The following CDK14 variants were observed in gnomAD, a reference collection of about 807,000 sequenced individuals.
CDK14 encodes the protein cyclin dependent kinase 14, also known as cyclin-dependent kinase 14.
A neutral mutation model predicts 60.7 loss-of-function variants in CDK14; 34 were observed. The ratio of observed to expected loss-of-function variants is 0.56; its 90% confidence interval spans 0.43 to 0.75. The LOEUF (loss-of-function observed/expected upper bound fraction) is 0.75. Among genes scored for constraint, CDK14 ranks in the 30% least tolerant of loss-of-function variants. The pLI is 0.00. For missense variants in CDK14, 482 were observed against 564.1 expected, an observed-to-expected ratio of 0.85 and a Z score of 1.47; for synonymous variants, 197 against 203.7, an observed-to-expected ratio of 0.97 and a Z score of 0.28.
At chr7:91,000,380 T>C (rs1795804232) in intron 10 of CDK14, among the ~76,000 whole-genome samples, 2 of 152,226 alleles carry the variant, frequency 1.3e-5, no homozygotes, top group African/African-American at 4.8e-5. Context: ...TATGGCTTAC[T>C]TTTTGCCAAA....
intron 2 of CDK14, among the ~76,000 whole-genome samples, chr7:90,687,453 G>A (rs752478061): frequency 7.2e-5 from 11 of 152,106 alleles, no homozygotes; most frequent in Non-Finnish European, 1.5e-4. Context: ...CGAAGGGTGA[G>A]TAGGGTTTTG....
At chr7:90,726,274 T>C in intron 2 of CDK14, 1 of 981,022 alleles carries the variant, frequency 1.0e-6, no homozygotes, top group Non-Finnish European at 1.2e-6. Context: ...TGGTAAAACG[T>C]GTGACAGAGT....
intron 12 of CDK14, among the ~76,000 whole-genome samples, chr7:91,106,549 T>G (rs1015535675): frequency 5.3e-5 from 8 of 152,152 alleles, no homozygotes; most frequent in African/African-American, 2.4e-5. Context: ...ATGTCTAATA[T>G]GTGTCCTTAA....
At chr7:90,999,209 A>G (rs181411027) in intron 10 of CDK14, among the ~76,000 whole-genome samples, 1 of 152,210 alleles carries the variant, frequency 6.6e-6, no homozygotes, top group African/African-American at 2.4e-5. Context: ...AAACTGTAGC[A>G]GGAGGTGGTG....
chr7:90,912,232 T>A (rs1456841901), intron 7 of CDK14, among the ~76,000 whole-genome samples: 1 of 152,128 alleles, frequency 6.6e-6, no homozygotes, highest in Non-Finnish European at 1.5e-5. Flanking sequence ...TATTAATTTA[T>A]CTAGTTCAGC....
intron 2 of CDK14, among the ~76,000 whole-genome samples, chr7:90,684,815 A>G (rs1180964183): frequency 6.6e-6 from 1 of 151,896 alleles, no homozygotes. Flanking sequence ...TTATCCATCT[A>G]CCCACCCATG....
At chr7:90,857,799 GGAAC>G (rs2117202368) in intron 5 of CDK14, among the ~76,000 whole-genome samples, 1 of 152,312 alleles carries the variant, frequency 6.6e-6, no homozygotes, top group Non-Finnish European at 1.5e-5. Flanking sequence ...GCTAACAGCA[GGAAC>G]TGTAGTATCT....
At chr7:90,622,514 T>C (rs966350623) in intron 2 of CDK14, among the ~76,000 whole-genome samples, 4 of 152,230 alleles carry the variant, frequency 2.6e-5, no homozygotes, top group African/African-American at 9.6e-5. Flanking sequence ...TGAGCACATG[T>C]TTTGGGGTTA....
intron 5 of CDK14, among the ~76,000 whole-genome samples, chr7:90,813,578 T>C (rs1413279623): frequency 1.3e-5 from 2 of 152,040 alleles, no homozygotes; most frequent in Non-Finnish European, 2.9e-5. Context: ...CAAAACCCCG[T>C]CTCTACTAAA....
intron 2 of CDK14, among the ~76,000 whole-genome samples, chr7:90,649,515 G>A (rs1248728337): frequency 6.8e-6 from 1 of 146,412 alleles, no homozygotes; most frequent in African/African-American, 2.5e-5. Flanking sequence ...CAACATGCAG[G>A]TTTGTTACAT....
At chr7:90,731,336 G>A (rs867579950) in intron 3 of CDK14, among the ~76,000 whole-genome samples, 1 of 152,076 alleles carries the variant, frequency 6.6e-6, no homozygotes, top group Non-Finnish European at 1.5e-5. Context: ...GGCTATGCAG[G>A]CTCCATATGA....
intron 4 of CDK14, among the ~76,000 whole-genome samples, chr7:90,765,602 GT>G (rs71104490): frequency 1.4e-4 from 21 of 146,498 alleles, no homozygotes; most frequent in Non-Finnish European, 1.5e-4. Context: ...AACTAGGAAG[GT>G]TTTTTTTTTT....
At chr7:91,186,317 C>T (rs1304594679) in intron 14 of CDK14, among the ~76,000 whole-genome samples, 1 of 137,292 alleles carries the variant, frequency 7.3e-6, no homozygotes, top group East Asian at 2.2e-4. Flanking sequence ...CCTTCGATTC[C>T]CTTCCCTAAT....
chr7:91,094,960 C>A (rs1798937396), intron 12 of CDK14, among the ~76,000 whole-genome samples: 1 of 152,102 alleles, frequency 6.6e-6, no homozygotes, highest in South Asian at 2.1e-4. Flanking sequence ...ATGTGAAAAA[C>A]AATATGGAAA....
intron 2 of CDK14, among the ~76,000 whole-genome samples, chr7:90,658,402 C>T (rs1193388022): frequency 6.6e-6 from 1 of 152,144 alleles, no homozygotes; most frequent in Non-Finnish European, 1.5e-5. Flanking sequence ...TCTTTTCAGC[C>T]CTTTATAAGG....
At chr7:90,937,782 C>T (rs913961497) in intron 8 of CDK14, among the ~76,000 whole-genome samples, 8 of 152,202 alleles carry the variant, frequency 5.3e-5, no homozygotes, top group Admixed American at 5.2e-4. Flanking sequence ...CATAATTTGC[C>T]AACCCCTGTT....
intron 2 of CDK14, among the ~76,000 whole-genome samples, chr7:90,697,778 A>G (rs1313543415): frequency 6.6e-6 from 1 of 152,286 alleles, no homozygotes; most frequent in East Asian, 1.9e-4. Flanking sequence ...ACTTAAAAAA[A>G]AGTGTTGCGG....
At chr7:90,721,736 G>A (rs938878845) in intron 2 of CDK14, among the ~76,000 whole-genome samples, 1 of 152,174 alleles carries the variant, frequency 6.6e-6, no homozygotes, top group Non-Finnish European at 1.5e-5. Context: ...CTGTTTGGTG[G>A]TTGGAAGAGT....
intron 14 of CDK14, among the ~76,000 whole-genome samples, chr7:91,145,583 A>C (rs1800601998): frequency 6.6e-6 from 1 of 152,234 alleles, no homozygotes; most frequent in African/African-American, 2.4e-5. Flanking sequence ...CAACGTTCAC[A>C]ATCCATGCTC....
Sources: gnomAD v4.1 joint callset for allele counts (sites outside exome capture counted in the v4.1 genomes callset) on GRCh38, gnomAD v4.1.1 for gene constraint, MANE v1.5 for transcripts, NCBI Gene and HGNC (gene_info 2026-07-23, HGNC 2026-07-21) for gene names.